Variants in CHODL observed in about 807,000 individuals in gnomAD.
CHODL encodes transmembrane protein MT75.
Under a neutral mutation model 34.5 loss-of-function variants are expected in CHODL, and 29 were observed. The ratio of observed to expected loss-of-function variants is 0.84; its 90% confidence interval spans 0.63 to 1.15. The LOEUF is 1.15. CHODL is among the 50% of genes most tolerant of loss of function. The pLI, the probability that CHODL is intolerant of heterozygous loss-of-function variation, is 0.00. For missense variants in CHODL, 332 were observed against 332.5 expected (o/e 1.00, Z 0.01); for synonymous variants, 125 against 116.1 (o/e 1.08, Z -0.49).
chr21:18,248,017 T>A (rs987954365), intron 1 of CHODL, among the ~76,000 whole-genome samples: 2 of 151,912 alleles, frequency 1.3e-5, no homozygotes. Context: ...TTCTTTTTTT[T>A]TTTTCCTTTT....
At chr21:18,265,933 A>AT in intron 5 of CHODL, 21 bp from the exon 6 acceptor site, 1 of 1,602,498 alleles carries the variant, frequency 6.2e-7, no homozygotes, top group Non-Finnish European at 8.5e-7. Context: ...GGCACTAAAC[A>AT]TTTTTTCTTA....
intron 1 of CHODL, among the ~76,000 whole-genome samples, chr21:17,987,629 A>G (rs2063763904): frequency 6.6e-6 from 1 of 152,186 alleles, no homozygotes; most frequent in East Asian, 1.9e-4. Context: ...GAACATTTAA[A>G]AAGTAATATA....
At chr21:18,033,612 T>G (rs2064273670) in intron 2 of CHODL, among the ~76,000 whole-genome samples, 1 of 152,000 alleles carries the variant, frequency 6.6e-6, no homozygotes, top group South Asian at 2.1e-4. Context: ...AACTTAATAG[T>G]TTACACCCAG....
chr21:18,048,491 G>T (rs1350066032), intron 2 of CHODL, among the ~76,000 whole-genome samples: 14 of 151,708 alleles, frequency 9.2e-5, no homozygotes, highest in Admixed American at 8.6e-4. Flanking sequence ...TTACATCCAT[G>T]AATTTAGAAA....
chr21:17,987,716 GT>G (rs2063764661), intron 1 of CHODL, among the ~76,000 whole-genome samples: 1 of 152,106 alleles, frequency 6.6e-6, no homozygotes, highest in Non-Finnish European at 1.5e-5. Context: ...TTAAATAACA[GT>G]AACACAAATT....
intron 2 of CHODL, among the ~76,000 whole-genome samples, chr21:18,078,483 G>T (rs945742620): frequency 2.0e-5 from 3 of 152,144 alleles, no homozygotes; most frequent in African/African-American, 7.2e-5. Context: ...TGGGGACACA[G>T]CTAAACCATG....
chr21:18,262,284 A>C (rs991562199), intron 4 of CHODL, among the ~76,000 whole-genome samples: 3 of 152,196 alleles, frequency 2.0e-5, no homozygotes, highest in Non-Finnish European at 1.5e-5. Flanking sequence ...CAATGGGGAC[A>C]TGTTCTGAGA....
intron 2 of CHODL, among the ~76,000 whole-genome samples, chr21:18,169,790 A>T (rs1011915859): frequency 6.6e-6 from 1 of 151,928 alleles, no homozygotes; most frequent in Non-Finnish European, 1.5e-5. Context: ...TATTCCATAA[A>T]TTTTGCTAGA....
At position 18,167,309 on chromosome 21, in the gene CHODL, A is replaced by ATTTTTT. The variant is rs71318131; in HGVS notation, c.-44-89187_-44-89182dup. On this transcript the variant is annotated intron_variant, in intron 2 of 6. Coordinates refer to the CHODL transcript ENST00000400127. ...TTTTACTGAAGTGTTTTCTATTAAGATTTTTTTTTTTTTTTTTTGAGACGG... is the reference window on the plus strand; with the variant it reads ...TTTTACTGAAGTGTTTTCTATTAAGATTTTTTTTTTTTTTTTTTTTTTTTGAGACGG... Among the ~76,000 whole-genome samples the ATTTTTT allele has an allele frequency of 2.6e-4, 27 of 103,050 alleles. 2 individuals are homozygous for ATTTTTT. The highest frequency in any genetic ancestry group is 1.6e-3 in the East Asian group (5 of 3,198). 67.6% of individuals were successfully genotyped at this position (103,050 alleles called of 152,430 possible).
chr21:18,174,665 C>T (rs1316784805), intron 2 of CHODL, among the ~76,000 whole-genome samples: 1 of 151,940 alleles, frequency 6.6e-6, no homozygotes, highest in South Asian at 2.1e-4. Flanking sequence ...AGAACTGGAC[C>T]AGAAAGTTCC....
chr21:18,074,057 T>C lies in CHODL; in HGVS notation c.-45+46086T>C, dbSNP rs145043887. ...TGTCGAAAGAATACTTTGATTATTT[T>C]AGTGGCTGAGACATGAATCTAATGG... On this transcript the variant is annotated intron_variant, in intron 2 of 6. Coordinates refer to the CHODL transcript ENST00000400127. Among the ~76,000 whole-genome samples, 793 of 152,262 alleles carry C rather than the reference T, an allele frequency of 5.2e-3. 2 individuals carry two copies. Among genetic ancestry groups the C allele is most frequent in the African/African-American group, 0.017 (718 of 41,562 alleles).
intron 1 of CHODL, among the ~76,000 whole-genome samples, chr21:17,982,455 C>T (rs938395624): frequency 1.4e-4 from 22 of 152,016 alleles, no homozygotes; most frequent in African/African-American, 5.3e-4. Flanking sequence ...AGTTTCTCAA[C>T]ATAAGCATAA....
chr21:18,031,268 T>C (rs918192002), intron 2 of CHODL, among the ~76,000 whole-genome samples: 4 of 152,132 alleles, frequency 2.6e-5, no homozygotes, highest in African/African-American at 9.6e-5. Flanking sequence ...ATGTCATAAG[T>C]CTTTAACCTG....
chr21:18,010,297 CAA>C (rs71189576), intron 1 of CHODL, among the ~76,000 whole-genome samples: 6 of 38,784 alleles, frequency 1.5e-4, no homozygotes, highest in African/African-American at 4.0e-4. Flanking sequence ...ACTCCCGTCT[CAA>C]AAAAAAAAAA....
chr21:18,221,091 C>CT (rs953042887), intron 2 of CHODL, among the ~76,000 whole-genome samples: 7 of 151,900 alleles, frequency 4.6e-5, no homozygotes, highest in East Asian at 1.9e-4. Flanking sequence ...CTTTTTAATT[C>CT]TTTTTTTTAG....
intron 2 of CHODL, among the ~76,000 whole-genome samples, chr21:18,098,651 T>A (rs1031933792): frequency 6.6e-6 from 1 of 152,138 alleles, no homozygotes; most frequent in African/African-American, 2.4e-5. Context: ...ACAACCATTA[T>A]GGAAAACAGT....
At chr21:18,171,034 T>A (rs2146658560) in intron 2 of CHODL, among the ~76,000 whole-genome samples, 1 of 151,708 alleles carries the variant, frequency 6.6e-6, no homozygotes, top group Non-Finnish European at 1.5e-5. Context: ...ATAATTTTGC[T>A]GAGTGTGGTA....
At chr21:18,216,650 A>G (rs1326012724) in intron 2 of CHODL, among the ~76,000 whole-genome samples, 2 of 152,226 alleles carry the variant, frequency 1.3e-5, no homozygotes, top group African/African-American at 4.8e-5. Context: ...AATACCTGAG[A>G]CTGGGTAATT....
chr21:18,233,450 C>T (rs2074001265), intron 2 of CHODL, among the ~76,000 whole-genome samples: 1 of 152,040 alleles, frequency 6.6e-6, no homozygotes, highest in African/African-American at 2.4e-5. Flanking sequence ...TATCATAAGA[C>T]ATTCATGAGG....
Sources: allele counts gnomAD v4.1 joint callset (sites outside exome capture counted in the v4.1 genomes callset), GRCh38; gene constraint gnomAD v4.1.1; transcripts MANE v1.5; gene names NCBI Gene and HGNC (gene_info 2026-07-23, HGNC 2026-07-21).